A2M: variants seen among roughly 807,000 people sequenced by gnomAD.
A2M encodes the protein alpha-2-macroglobulin.
A2M carries 128 observed loss-of-function variants against 183.9 expected under a neutral mutation model. That is an observed-to-expected ratio of 0.70 (90% CI 0.60 to 0.81). The LOEUF (loss-of-function observed/expected upper bound fraction) is 0.81. A2M is among the 30% of genes least tolerant of loss of function. The probability of loss-of-function intolerance (pLI) is 0.00; values close to 1 mark genes in which losing one functional copy is unlikely to be tolerated. For missense variants in A2M, 1,495 were observed against 1,787.6 expected (o/e 0.84, Z 2.95); for synonymous variants, 592 against 670.8 (o/e 0.88, Z 1.81).
intron 18 of A2M, among the ~76,000 whole-genome samples, chr12:9,092,214 A>G (rs1460655412): frequency 6.6e-6 from 1 of 152,112 alleles, no homozygotes; most frequent in East Asian, 1.9e-4. Flanking sequence ...GGATAAAACC[A>G]GGTCTGAACA....
At chr12:9,068,002 C>G (rs2137607081) in intron 35 of A2M, 163 bp from the exon 36 acceptor site, 1 of 958,044 alleles carries the variant, frequency 1.0e-6, no homozygotes, top group Non-Finnish European at 1.6e-6. Flanking sequence ...ATCCTATGGA[C>G]TCTCTGAGGT....
intron 22 of A2M, among the ~76,000 whole-genome samples, chr12:9,085,297 C>A (rs979711771): frequency 2.6e-5 from 4 of 152,078 alleles, no homozygotes; most frequent in African/African-American, 9.7e-5. Flanking sequence ...GAAATCGTTT[C>A]ATCGTATCAA....
At chr12:9,113,219 A>T in intron 2 of A2M, 141 bp downstream of exon 2, 1 of 802,216 alleles carries the variant, frequency 1.2e-6, no homozygotes, top group Non-Finnish European at 1.9e-6. Context: ...ATTGCTCCTT[A>T]ATTTCTATAC....
chr12:9,089,211 AG>A lies in A2M; in HGVS notation c.2758del (p.Leu920PhefsTer14). The A allele has an allele frequency of 6.3e-7, 1 of 1,589,182 alleles. No homozygotes were observed. The highest frequency in any genetic ancestry group is 8.6e-7 in the Non-Finnish European group (1 of 1,165,652). On this transcript the variant is annotated frameshift_variant, in exon 22 of 36. Transcript: ENST00000318602. LOFTEE classifies it high-confidence loss of function. ...LEKETTFNSL[L>X]CPSGGEVSEE... ...TGGTTGACTCTTACCTGATGGACAAAGTAGGGAGTTGAATGTTGTTTCCTTC... is the reference window on the plus strand; with the variant it reads ...TGGTTGACTCTTACCTGATGGACAAATAGGGAGTTGAATGTTGTTTCCTTC...
intron 17 of A2M, 121 bp downstream of exon 17, chr12:9,094,852 C>A: frequency 2.1e-6 from 1 of 477,472 alleles, no homozygotes; most frequent in Non-Finnish European, 3.6e-6. Context: ...GAGCAATAAC[C>A]TTAATATGTA....
chr12:9,077,338 G>C lies in A2M; in HGVS notation c.3351+8C>G. 6.2e-7 allele frequency: 1 copy of C among 1,610,896 alleles called. No homozygotes were observed. Among genetic ancestry groups the C allele is most frequent in the South Asian group, 1.1e-5 (1 of 90,600 alleles). On this transcript the variant is annotated splice_region_variant and intron_variant, in intron 27 of 35. Transcript: ENST00000318602. ...TCTCCTTCAGCAGAGGAATGGGGTG[G>C]TACCTACAGTGACTGTGAGAGGAAT...
Position 9,077,793 on chromosome 12 carries a change from G to T in A2M, c.3184C>A (p.His1062Asn). 6.2e-7 allele frequency: 1 copy of T among 1,614,170 alleles called. No individual in the cohort carries two copies. The highest frequency in any genetic ancestry group is 8.5e-7 in the Non-Finnish European group (1 of 1,180,012). Residue 1062 changes from histidine to asparagine, a missense_variant, in exon 26 of 36, where the codon CAC becomes AAC. Coordinates refer to ENST00000318602, the MANE Select transcript of A2M (RefSeq NM_000014.6). ...AGCCATATGAGGGCTTGGGTAATGT[G>T]TGCTTCATCGATGAAGATGTAGGCT... ...ARAYIFIDEA[H>N]ITQALIWLSQ... is the part of the protein sequence containing the mutation.
chr12:9,107,742 T>C (rs1938407796), intron 7 of A2M, 98 bp from the exon 8 acceptor site: 3 of 1,407,054 alleles, frequency 2.1e-6, no homozygotes, highest in South Asian at 2.6e-5. Context: ...ATATTCCCTG[T>C]CTGTACTTCC....
At chr12:9,110,585 T>C (rs1281687906) in intron 4 of A2M, among the ~76,000 whole-genome samples, 2 of 151,704 alleles carry the variant, frequency 1.3e-5, no homozygotes, top group Admixed American at 6.6e-5. Context: ...TTATCCATGA[T>C]TGGATAATGA....
At chr12:9,079,214 A>C in intron 25 of A2M, 30 bp downstream of exon 25, 1 of 1,584,448 alleles carries the variant, frequency 6.3e-7, no homozygotes, top group Non-Finnish European at 8.7e-7. Flanking sequence ...GGCACACAAA[A>C]AGAAGCTCAA....
chr12:9,095,314 G>A (rs1013804691), intron 16 of A2M, among the ~76,000 whole-genome samples: 1 of 152,128 alleles, frequency 6.6e-6, no homozygotes, highest in African/African-American at 2.4e-5. Context: ...ACATCACAGA[G>A]CAATTAATTC....
chr12:9,107,519 C>T lies in A2M; in HGVS notation c.879+5G>A. Reference sequence around the variant, plus strand: ...ATTCTCTAGAAAAAATAGTGTTCAACCTACCTGTCCACTGAATTTCTCACA... The same window carrying T: ...ATTCTCTAGAAAAAATAGTGTTCAATCTACCTGTCCACTGAATTTCTCACA... On this transcript the variant is annotated splice_donor_5th_base_variant and intron_variant, in intron 8 of 35. Transcript: ENST00000318602. The T allele has an allele frequency of 6.2e-7, 1 of 1,613,782 alleles. No homozygotes were observed. Among genetic ancestry groups the T allele is most frequent in the Non-Finnish European group, 8.5e-7 (1 of 1,179,768 alleles).
chr12:9,080,034 A>T, intron 23 of A2M, 60 bp downstream of exon 23: 1 of 1,132,490 alleles, frequency 8.8e-7, no homozygotes, highest in Non-Finnish European at 1.2e-6. Context: ...ATTTATGGGA[A>T]ATAAAAATAG....
chr12:9,068,316 T>G, intron 34 of A2M, 92 bp from the exon 35 acceptor site: 1 of 1,266,240 alleles, frequency 7.9e-7, no homozygotes, highest in Non-Finnish European at 1.1e-6. Context: ...AAGGAAGGAG[T>G]TTGTTGTGGG....
rs1017971143 is a variant in A2M, at chr12:9,098,614, G to A, written c.1844C>T (p.Ala615Val). The change falls in exon 15 of 36, where the codon GCG becomes GTG. Residue 615 changes from alanine to valine, a missense_variant. Ala to Val is a moderately conservative substitution (Grantham distance 64, BLOSUM62 0). Coordinates refer to ENST00000318602, the MANE Select transcript of A2M (RefSeq NM_000014.6). The stretch of plus-strand genomic sequence containing the variant: ...AGGCTGCCAGGAACTCACCGAGGAC[G>A]CCGAGAGCTCAGCATCAGGCTTCAT... ...LLMKPDAELS[A>V]SSVYNLLPEK... is the part of the protein sequence containing the mutation. 7.5e-6 allele frequency: 12 copies of A among 1,600,796 alleles called. No homozygotes were observed. Among genetic ancestry groups the A allele is most frequent in the Middle Eastern group, 3.5e-4 (2 of 5,680 alleles).
At chr12:9,072,299 T>A in intron 31 of A2M, 60 bp downstream of exon 31, 1 of 1,581,682 alleles carries the variant, frequency 6.3e-7, no homozygotes, top group South Asian at 1.2e-5. Flanking sequence ...TAAAGAGGAG[T>A]TCCCGAAAGA....
chr12:9,098,449 T>TATATATATAA (rs202027484), intron 15 of A2M, 158 bp downstream of exon 15: 5 of 365,560 alleles, frequency 1.4e-5, no homozygotes, highest in African/African-American at 1.2e-4. Context: ...TATATATATA[T>TATATATATAA]AATTCCTTAC....
At chr12:9,070,708 G>A (rs1948545684) in intron 31 of A2M, 130 bp from the exon 32 acceptor site, 3 of 649,064 alleles carry the variant, frequency 4.6e-6, no homozygotes, top group Non-Finnish European at 5.2e-6. Context: ...TTATCCCAGT[G>A]GTTTGTAAAA....
At chr12:9,108,732 A>G (rs1938496833) in intron 7 of A2M, among the ~76,000 whole-genome samples, 1 of 151,828 alleles carries the variant, frequency 6.6e-6, no homozygotes. Context: ...AAGACTTTTC[A>G]AGGTTGGAAC....
Sources: gnomAD v4.1 joint callset for allele counts (sites outside exome capture counted in the v4.1 genomes callset) on GRCh38, gnomAD v4.1.1 for gene constraint, MANE v1.5 for transcripts, NCBI Gene and HGNC (gene_info 2026-07-23, HGNC 2026-07-21) for gene names.